TBC1D5: variants seen among roughly 807,000 people sequenced by gnomAD.
TBC1D5 encodes TBC1 domain family member 5, also known as TBC1 domain family, member 5.
In TBC1D5, 75 loss-of-function variants were observed where a neutral mutation model predicts 100.3. The ratio of observed to expected loss-of-function variants is 0.75; its 90% confidence interval spans 0.62 to 0.91. The LOEUF (loss-of-function observed/expected upper bound fraction) is 0.91. Ranked by LOEUF, TBC1D5 falls within the 40% of genes least tolerant of loss-of-function variation. TBC1D5 has a pLI of 0.00. For missense variants in TBC1D5, 910 were observed against 942.4 expected, an observed-to-expected ratio of 0.97 and a Z score of 0.45; for synonymous variants, 323 against 325.6, an observed-to-expected ratio of 0.99 and a Z score of 0.09.
At chr3:17,586,305 G>A (rs888349846) in intron 2 of TBC1D5, 2 of 152,082 alleles carry the variant, frequency 1.3e-5, no homozygotes, top group African/African-American at 2.4e-5. Flanking sequence ...TAAGGGTATT[G>A]AGAGTATTCT....
At chr3:17,693,504 C>T (rs190647334) in intron 1 of TBC1D5, among the ~76,000 whole-genome samples, 1,858 of 152,336 alleles carry the variant, frequency 0.012, 16 homozygotes, top group Non-Finnish European at 0.018. Flanking sequence ...TGAGATTGAA[C>T]CACGAGGCGG....
At position 17,717,610 on chromosome 3, in the gene TBC1D5, G is replaced by A. The variant is rs146762142; in HGVS notation, c.-101+21733C>T. Among the ~76,000 whole-genome samples the A allele has an allele frequency of 5.2e-3, 787 of 152,238 alleles. 5 individuals are homozygous for A. The highest frequency in any genetic ancestry group is 0.024 in the Middle Eastern group (7 of 294). ...GTCTTGTTACACATGTTCCTGGCCT[G>A]TTGCTCCTCCTGGTTGTCTGATTAG... On this transcript the variant is annotated intron_variant, in intron 1 of 21. Coordinates refer to ENST00000253692, the Ensembl canonical transcript of TBC1D5.
At chr3:17,264,163 TA>T (rs1399149712) in intron 15 of TBC1D5, among the ~76,000 whole-genome samples, 3 of 152,054 alleles carry the variant, frequency 2.0e-5, no homozygotes, top group African/African-American at 4.8e-5. Context: ...TATGATAGTA[TA>T]AAAATATTTA....
chr3:17,314,366 T>C (rs1024655253), intron 13 of TBC1D5, among the ~76,000 whole-genome samples: 1 of 152,112 alleles, frequency 6.6e-6, no homozygotes, highest in Non-Finnish European at 1.5e-5. Flanking sequence ...ATCAGTCTTC[T>C]CCCTGGGCTT....
intron 14 of TBC1D5, among the ~76,000 whole-genome samples, chr3:17,306,378 C>A (rs2083401655): frequency 6.6e-6 from 1 of 152,176 alleles, no homozygotes; most frequent in Non-Finnish European, 1.5e-5. Context: ...GACAAATATT[C>A]ATTCTATTTT....
chr3:17,554,935 C>T (rs1033773918), intron 2 of TBC1D5, among the ~76,000 whole-genome samples: 3 of 151,852 alleles, frequency 2.0e-5, no homozygotes, highest in African/African-American at 4.8e-5. Context: ...CTGCCACCTC[C>T]GCCTCCCAGG....
intron 2 of TBC1D5, among the ~76,000 whole-genome samples, chr3:17,524,112 C>T (rs1456827156): frequency 1.3e-5 from 2 of 151,882 alleles, no homozygotes; most frequent in Non-Finnish European, 2.9e-5. Flanking sequence ...AAGAGATGAA[C>T]GAAGGAGAAA....
At chr3:17,444,504 T>C (rs1034947085) in intron 3 of TBC1D5, among the ~76,000 whole-genome samples, 2 of 152,068 alleles carry the variant, frequency 1.3e-5, no homozygotes, top group Non-Finnish European at 2.9e-5. Context: ...CATTCTTCAA[T>C]TGGCAGATAT....
intron 3 of TBC1D5, among the ~76,000 whole-genome samples, chr3:17,448,147 C>T (rs1416644229): frequency 6.6e-6 from 1 of 152,176 alleles, no homozygotes; most frequent in African/African-American, 2.4e-5. Context: ...CCAAAAGAAG[C>T]AACTCCTCAT....
At chr3:17,392,866 T>C (rs1159931794) in intron 8 of TBC1D5, among the ~76,000 whole-genome samples, 3 of 152,196 alleles carry the variant, frequency 2.0e-5, no homozygotes, top group Non-Finnish European at 4.4e-5. Flanking sequence ...TTATAATCCT[T>C]TGGGTATGTA....
At position 17,508,546 on chromosome 3, in the gene TBC1D5, T is replaced by TA; in HGVS notation, c.24dup (p.Arg9Ter). ...TGTTCTTCTGGCTGCAGAGGATGTC[T>TA]AGTTTCAGATAAGGAATGATACATT... is the stretch of plus-strand genomic sequence containing the variant. On this transcript the variant is annotated frameshift_variant, in exon 3 of 22. Transcript: ENST00000253692. LOFTEE classifies it high-confidence loss of function. The TA allele has an allele frequency of 1.2e-6, 2 of 1,613,602 alleles. No homozygotes were observed. The highest frequency in any genetic ancestry group is 1.7e-6 in the Non-Finnish European group (2 of 1,179,572).
chr3:17,672,972 A>C (rs1301260274), intron 1 of TBC1D5, among the ~76,000 whole-genome samples: 1 of 152,244 alleles, frequency 6.6e-6, no homozygotes, highest in Non-Finnish European at 1.5e-5. Flanking sequence ...TTCTATCATG[A>C]AATATTACAC....
At chr3:17,342,247 G>C (rs2089093759) in intron 13 of TBC1D5, among the ~76,000 whole-genome samples, 1 of 152,144 alleles carries the variant, frequency 6.6e-6, no homozygotes. Flanking sequence ...TTTAATACTT[G>C]TCAGGAATGC....
chr3:17,190,520 G>A (rs1489324875), intron 18 of TBC1D5, among the ~76,000 whole-genome samples: 1 of 152,148 alleles, frequency 6.6e-6, no homozygotes, highest in Non-Finnish European at 1.5e-5. Context: ...CAGAACATGG[G>A]GATAGTACGA....
intron 15 of TBC1D5, among the ~76,000 whole-genome samples, chr3:17,266,346 T>C (rs73034978): frequency 7.5e-4 from 114 of 152,330 alleles, no homozygotes; most frequent in Non-Finnish European, 1.3e-3. Context: ...ATAAGGGATA[T>C]TGCCTGAATA....
intron 4 of TBC1D5, among the ~76,000 whole-genome samples, chr3:17,415,621 C>T (rs1028620719): frequency 1.3e-5 from 2 of 151,956 alleles, no homozygotes; most frequent in African/African-American, 4.8e-5. Context: ...GATTTTATAA[C>T]AAGCTTTTCA....
At chr3:17,294,380 T>A (rs1192357487) in intron 14 of TBC1D5, among the ~76,000 whole-genome samples, 1 of 152,154 alleles carries the variant, frequency 6.6e-6, no homozygotes, top group Admixed American at 6.5e-5. Context: ...CATACTGCCA[T>A]GCCTGGCTAA....
chr3:17,676,713 C>A (rs2068686113), intron 1 of TBC1D5, among the ~76,000 whole-genome samples: 1 of 152,022 alleles, frequency 6.6e-6, no homozygotes, highest in African/African-American at 2.4e-5. Context: ...AAGCAAAAAG[C>A]ACAAAGCTGG....
At chr3:17,479,460 T>C (rs939403515) in intron 3 of TBC1D5, among the ~76,000 whole-genome samples, 2 of 152,162 alleles carry the variant, frequency 1.3e-5, no homozygotes, top group South Asian at 2.1e-4. Flanking sequence ...CAAGAAATGA[T>C]TCAAAACATA....
Sources: allele counts gnomAD v4.1 joint callset (sites outside exome capture counted in the v4.1 genomes callset), GRCh38; gene constraint gnomAD v4.1.1; transcripts MANE v1.5; gene names NCBI Gene and HGNC (gene_info 2026-07-23, HGNC 2026-07-21).